Variants in C2CD5 observed in about 807,000 individuals in gnomAD.
C2CD5 encodes the protein C2 calcium dependent domain containing 5, also known as C2 domain-containing protein 5.
A neutral mutation model predicts 130.3 loss-of-function variants in C2CD5; 109 were observed. That is an observed-to-expected ratio of 0.84 (90% CI 0.72 to 0.98). The LOEUF (loss-of-function observed/expected upper bound fraction) is 0.98. Ranked by LOEUF, C2CD5 falls within the 50% of genes least tolerant of loss-of-function variation. C2CD5 has a pLI of 0.00. For synonymous variants in C2CD5, 454 were observed against 429.2 expected (o/e 1.06, Z -0.71); for missense variants, 996 against 1,261.8 (o/e 0.79, Z 3.19).
At chr12:22,517,216 G>A (rs1487902680) in intron 8 of C2CD5, among the ~76,000 whole-genome samples, 3 of 151,520 alleles carry the variant, frequency 2.0e-5, no homozygotes, top group Non-Finnish European at 4.4e-5. Context: ...TCATCTGATG[G>A]GAAAACTGTC....
chr12:22,503,342 G>A (rs972752957), intron 10 of C2CD5, among the ~76,000 whole-genome samples: 8 of 152,014 alleles, frequency 5.3e-5, no homozygotes, highest in African/African-American at 9.7e-5. Context: ...TCATCATTAC[G>A]GTAGATGTTA....
At chr12:22,459,765 T>C (rs780279955) in intron 22 of C2CD5, among the ~76,000 whole-genome samples, 1 of 152,224 alleles carries the variant, frequency 6.6e-6, no homozygotes, top group Non-Finnish European at 1.5e-5. Context: ...GGAGACTACT[T>C]GCTTACTGTA....
At chr12:22,504,962 A>G (rs182698339) in intron 10 of C2CD5, among the ~76,000 whole-genome samples, 135 of 151,904 alleles carry the variant, frequency 8.9e-4, no homozygotes, top group Admixed American at 3.1e-3. Context: ...AAACGGGGGG[A>G]AAAAAAACTA....
chr12:22,471,592 TAAAAC>T (rs941801116), intron 19 of C2CD5, 104 bp from the exon 20 acceptor site: 44 of 577,794 alleles, frequency 7.6e-5, no homozygotes, highest in African/African-American at 6.9e-4. Context: ...GAGTTAAAAA[TAAAAC>T]AAAACTGGTC....
At chr12:22,530,256 C>CTGTGTATATATATATACACAACTGTG (rs1306760786) in intron 3 of C2CD5, among the ~76,000 whole-genome samples, 10 of 144,888 alleles carry the variant, frequency 6.9e-5, no homozygotes, top group South Asian at 4.3e-4. Flanking sequence ...ATACATACAA[C>CTGTGTATATATATATACACAACTGTG]TGTGTATATA....
chr12:22,464,098 A>T (rs908959964), intron 22 of C2CD5, among the ~76,000 whole-genome samples: 2 of 152,176 alleles, frequency 1.3e-5, no homozygotes, highest in African/African-American at 4.8e-5. Context: ...AATATTGATG[A>T]ATTGATAAGG....
intron 9 of C2CD5, among the ~76,000 whole-genome samples, chr12:22,509,595 A>C (rs1364929058): frequency 6.6e-6 from 1 of 152,240 alleles, no homozygotes; most frequent in Admixed American, 6.5e-5. Flanking sequence ...CTCCGTCTTC[A>C]TACAATTCTC....
chr12:22,463,102 A>G (rs1374186935), intron 22 of C2CD5, among the ~76,000 whole-genome samples: 1 of 148,632 alleles, frequency 6.7e-6, no homozygotes, highest in African/African-American at 2.5e-5. Flanking sequence ...AGAGAAAAAA[A>G]AAGGCCAGGT....
At chr12:22,478,707 G>A (rs1203404409) in intron 14 of C2CD5, among the ~76,000 whole-genome samples, 2 of 152,044 alleles carry the variant, frequency 1.3e-5, no homozygotes, top group Non-Finnish European at 2.9e-5. Context: ...TTAGCCAGGT[G>A]TAGTGGTGTG....
intron 12 of C2CD5, among the ~76,000 whole-genome samples, chr12:22,486,883 C>T (rs971043798): frequency 6.6e-6 from 1 of 151,948 alleles, no homozygotes; most frequent in Non-Finnish European, 1.5e-5. Context: ...GACAACAGAG[C>T]CCTCAGAAAT....
intron 12 of C2CD5, among the ~76,000 whole-genome samples, chr12:22,486,781 G>A (rs1004939375): frequency 3.3e-5 from 5 of 152,154 alleles, no homozygotes; most frequent in Admixed American, 1.3e-4. Context: ...ACTAGAGTGT[G>A]TAGTGTAAGA....
At chr12:22,533,196 T>C (rs1293913050) in intron 3 of C2CD5, among the ~76,000 whole-genome samples, 1 of 152,090 alleles carries the variant, frequency 6.6e-6, no homozygotes, top group Non-Finnish European at 1.5e-5. Context: ...GAATGTAAGA[T>C]GGAGGTGTGG....
At chr12:22,478,019 A>ACT (rs1944113843) in intron 15 of C2CD5, 1 of 358,264 alleles carries the variant, frequency 2.8e-6, no homozygotes, top group Non-Finnish European at 5.3e-6. Flanking sequence ...ACTCACACAC[A>ACT]CACACACACT....
Position 22,544,331 on chromosome 12 carries a change from G to A in C2CD5, c.-41C>T. ...GGGTCGCCACTCACTGTCGCAGGAGGAAGGGTGCTGTCCCGCGCGGGTGCT... is the reference window on the plus strand; with the variant it reads ...GGGTCGCCACTCACTGTCGCAGGAGAAAGGGTGCTGTCCCGCGCGGGTGCT... On this transcript the variant is annotated 5_prime_UTR_variant, in exon 1 of 27. Coordinates refer to ENST00000446597, the MANE Select transcript of C2CD5 (RefSeq NM_001286176.2). The A allele has an allele frequency of 3.8e-6, 2 of 526,048 alleles. No individual in the cohort carries two copies. The highest frequency in any genetic ancestry group is 2.4e-5 in the South Asian group (1 of 41,212). 32.6% of individuals were successfully genotyped at this position (526,048 alleles called of 1,614,324 possible).
intron 24 of C2CD5, among the ~76,000 whole-genome samples, chr12:22,457,972 G>GT (rs1221770296): frequency 2.6e-5 from 4 of 151,956 alleles, no homozygotes; most frequent in Non-Finnish European, 5.9e-5. Flanking sequence ...TTAATGTACG[G>GT]TAAGCTCTTT....
At chr12:22,479,790 T>TTA (rs1416502576) in intron 14 of C2CD5, among the ~76,000 whole-genome samples, 2 of 152,128 alleles carry the variant, frequency 1.3e-5, no homozygotes, top group Non-Finnish European at 2.9e-5. Context: ...AAGGTAACAT[T>TTA]TATATATATC....
At chr12:22,500,419 C>T (rs1435741993) in intron 10 of C2CD5, among the ~76,000 whole-genome samples, 2 of 152,064 alleles carry the variant, frequency 1.3e-5, no homozygotes, top group African/African-American at 4.8e-5. Context: ...AAACATGGGT[C>T]CAAAAACACC....
At chr12:22,492,457 G>A (rs906179030) in intron 11 of C2CD5, among the ~76,000 whole-genome samples, 22 of 152,114 alleles carry the variant, frequency 1.4e-4, no homozygotes, top group South Asian at 4.1e-4. Context: ...ATTTTAAGGC[G>A]GAACAGTTTC....
At chr12:22,538,520 A>G (rs1267852209) in intron 2 of C2CD5, among the ~76,000 whole-genome samples, 1 of 152,200 alleles carries the variant, frequency 6.6e-6, no homozygotes, top group Non-Finnish European at 1.5e-5. Context: ...CGCTTTATGG[A>G]AGGATGCAGA....
Sources: allele counts gnomAD v4.1 joint callset (sites outside exome capture counted in the v4.1 genomes callset), GRCh38; gene constraint gnomAD v4.1.1; transcripts MANE v1.5; gene names NCBI Gene and HGNC (gene_info 2026-07-23, HGNC 2026-07-21).